NOX4: variants seen among roughly 807,000 people sequenced by gnomAD.
NOX4 encodes NADPH oxidase 4.
NOX4 carries 69 observed loss-of-function variants against 87.6 expected under a neutral mutation model. The observed-to-expected ratio is 0.79, with a 90% CI of 0.65 to 0.96. The LOEUF is 0.96. NOX4 is among the 40% of genes least tolerant of loss of function. NOX4 has a pLI of 0.00. For missense variants in NOX4, 680 were observed against 681.5 expected, an observed-to-expected ratio of 1.00 and a Z score of 0.02; for synonymous variants, 275 against 238.2, an observed-to-expected ratio of 1.15 and a Z score of -1.42.
At position 89,342,142 on chromosome 11, in the gene NOX4, A is replaced by G. The variant is rs777017017; in HGVS notation, c.1269T>C (p.Tyr423=). ...CTCCAGCCACGCAGAGGCTGACCTC[A>G]TAGTTCAGTGATTCCTCAAATGGAC... The part of the protein sequence containing the change: ...FGSPFEESLN[Y]EVSLCVAGGI... The change falls in exon 14 of 18, where the codon TAT becomes TAC. Residue 423 remains tyrosine, a synonymous_variant. Coordinates refer to ENST00000263317, the MANE Select transcript of NOX4 (RefSeq NM_016931.5). 9 of 1,612,408 alleles carry G rather than the reference A, an allele frequency of 5.6e-6. No individual in the cohort carries two copies. Among genetic ancestry groups the G allele is most frequent in the Non-Finnish European group, 5.1e-6 (6 of 1,178,602 alleles).
chr11:89,365,150 T>C (rs1409534917), intron 12 of NOX4, among the ~76,000 whole-genome samples: 1 of 152,102 alleles, frequency 6.6e-6, no homozygotes, highest in Non-Finnish European at 1.5e-5. Flanking sequence ...TACTTTTAAA[T>C]ACTGTAAGGT....
At chr11:89,512,021 A>C in the NOX4 span, among the ~76,000 whole-genome samples, 7 of 152,104 alleles carry the variant, frequency 4.6e-5, no homozygotes, top group Non-Finnish European at 1.5e-5. Context: ...TGAGCTCAAT[A>C]GAAAATTTTT....
At chr11:89,344,176 A>G (rs190550316) in intron 13 of NOX4, among the ~76,000 whole-genome samples, 1 of 151,552 alleles carries the variant, frequency 6.6e-6, no homozygotes, top group East Asian at 1.9e-4. Context: ...ACAACATTTA[A>G]TGTTCATATA....
chr11:89,477,860 T>C (rs1408770579), intron 2 of NOX4, among the ~76,000 whole-genome samples: 1 of 152,156 alleles, frequency 6.6e-6, no homozygotes, highest in Non-Finnish European at 1.5e-5. Context: ...AGCTTAAATA[T>C]TTTTGAAATT....
intron 7 of NOX4, among the ~76,000 whole-genome samples, chr11:89,430,953 A>C (rs898301138): frequency 6.6e-6 from 1 of 152,132 alleles, no homozygotes; most frequent in Non-Finnish European, 1.5e-5. Flanking sequence ...GACTTCAAAC[A>C]ATACTACAAG....
At chr11:89,504,115 G>T in the NOX4 span, among the ~76,000 whole-genome samples, 1 of 151,676 alleles carries the variant, frequency 6.6e-6, no homozygotes, top group African/African-American at 2.4e-5. Flanking sequence ...GAGATCTGAA[G>T]GACAATAGCC....
the NOX4 span, among the ~76,000 whole-genome samples, chr11:89,538,327 A>G: frequency 2.0e-5 from 3 of 152,240 alleles, no homozygotes; most frequent in Non-Finnish European, 4.4e-5. Flanking sequence ...CGTGTCCTGA[A>G]TAGAAATCTC....
chr11:89,401,989 T>A (rs1941882115), intron 9 of NOX4, among the ~76,000 whole-genome samples: 1 of 152,018 alleles, frequency 6.6e-6, no homozygotes, highest in African/African-American at 2.4e-5. Context: ...GTATTGGTGG[T>A]AGGTTTTTTT....
intron 7 of NOX4, among the ~76,000 whole-genome samples, chr11:89,430,570 A>T (rs1252583080): frequency 5.3e-5 from 8 of 152,206 alleles, no homozygotes; most frequent in Non-Finnish European, 1.2e-4. Context: ...ACAGACAAAC[A>T]GAGAGCCAAA....
At chr11:89,369,554 A>G (rs1475715094) in intron 12 of NOX4, among the ~76,000 whole-genome samples, 2 of 152,134 alleles carry the variant, frequency 1.3e-5, no homozygotes, top group African/African-American at 2.4e-5. Context: ...ATTATCTTCC[A>G]CAAATGACTA....
At chr11:89,331,545 T>C (rs12283775) in intron 17 of NOX4, among the ~76,000 whole-genome samples, 1 of 151,784 alleles carries the variant, frequency 6.6e-6, no homozygotes, top group Non-Finnish European at 1.5e-5. Flanking sequence ...TCCATTAAAA[T>C]GAAAAGAGAA....
intron 11 of NOX4, among the ~76,000 whole-genome samples, chr11:89,375,872 G>A (rs899893293): frequency 2.6e-5 from 4 of 152,222 alleles, no homozygotes; most frequent in Non-Finnish European, 5.9e-5. Context: ...CTATAGCCAA[G>A]AAGATATCAG....
chr11:89,447,520 C>G (rs1466651199), intron 4 of NOX4, among the ~76,000 whole-genome samples: 1 of 152,078 alleles, frequency 6.6e-6, no homozygotes, highest in Non-Finnish European at 1.5e-5. Flanking sequence ...ATTCTCAAAA[C>G]AAAGCAATGT....
chr11:89,578,053 GTT>G, the NOX4 span, among the ~76,000 whole-genome samples: 1 of 151,760 alleles, frequency 6.6e-6, no homozygotes, highest in African/African-American at 2.4e-5. Context: ...TAGGAGGTGA[GTT>G]TTTGTGGCTC....
the NOX4 span, among the ~76,000 whole-genome samples, chr11:89,578,193 C>G: frequency 1.3e-5 from 2 of 149,632 alleles, no homozygotes; most frequent in South Asian, 4.2e-4. Context: ...AACAGAGTCT[C>G]GCTCTGTTGC....
chr11:89,454,453 T>C (rs189147053), intron 2 of NOX4, among the ~76,000 whole-genome samples: 427 of 152,212 alleles, frequency 2.8e-3, no homozygotes, highest in South Asian at 0.02. Flanking sequence ...TGTCTGAACA[T>C]TGGCATTTTT....
intron 11 of NOX4, among the ~76,000 whole-genome samples, chr11:89,374,607 A>T (rs1591054983): frequency 6.6e-6 from 1 of 152,216 alleles, no homozygotes; most frequent in African/African-American, 2.4e-5. Flanking sequence ...TGCCCAATAA[A>T]AAGACAAGAC....
chr11:89,456,195 T>C (rs933345096), intron 2 of NOX4, among the ~76,000 whole-genome samples: 1 of 152,148 alleles, frequency 6.6e-6, no homozygotes, highest in Non-Finnish European at 1.5e-5. Flanking sequence ...TATATACAAT[T>C]ACTATAATAA....
chr11:89,538,817 T>C, the NOX4 span, among the ~76,000 whole-genome samples: 26 of 152,050 alleles, frequency 1.7e-4, no homozygotes, highest in Admixed American at 1.7e-3. Flanking sequence ...GGGGGCCAGA[T>C]GTTATGGACT....
Sources: allele counts gnomAD v4.1 joint callset (sites outside exome capture counted in the v4.1 genomes callset), GRCh38; gene constraint gnomAD v4.1.1; transcripts MANE v1.5; gene names NCBI Gene and HGNC (gene_info 2026-07-23, HGNC 2026-07-21).